KIF9: variants seen among roughly 807,000 people sequenced by gnomAD.
KIF9 encodes the protein kinesin family member 9.
In KIF9, 68 loss-of-function variants were observed where a neutral mutation model predicts 94.8. That is an observed-to-expected ratio of 0.72 (90% CI 0.59 to 0.88). The LOEUF (loss-of-function observed/expected upper bound fraction) is 0.88, where lower values mean the gene tolerates loss of function less well. KIF9 is among the 40% of genes least tolerant of loss of function. The pLI is 0.00. For synonymous variants in KIF9, 343 were observed against 362.1 expected (o/e 0.95, Z 0.60); for missense variants, 882 against 982.5 (o/e 0.90, Z 1.37).
intron 1 of KIF9, 121 bp from the exon 2 acceptor site, chr3:47,277,500 C>A (rs1321428640): frequency 5.9e-6 from 4 of 672,922 alleles, no homozygotes; most frequent in East Asian, 5.6e-5. Flanking sequence ...CCCTCTCTCC[C>A]TGAAAGCCAG....
At chr3:47,257,618 G>C (rs1700708551) in intron 9 of KIF9, 58 bp from the exon 10 acceptor site, 2 of 1,486,172 alleles carry the variant, frequency 1.3e-6, no homozygotes, top group Non-Finnish European at 1.9e-6. Context: ...GACCCCAAGA[G>C]ACCGGCCTTC....
chr3:47,265,376 TAC>T (rs1445073590), intron 8 of KIF9, among the ~76,000 whole-genome samples: 3 of 151,962 alleles, frequency 2.0e-5, no homozygotes, highest in Non-Finnish European at 4.4e-5. Context: ...CGCTGCTCTG[TAC>T]AGGAGGCTGC....
At chr3:47,282,288 GA>G (rs932908405) in intron 1 of KIF9, 1 of 985,584 alleles carries the variant, frequency 1.0e-6, no homozygotes, top group African/African-American at 1.7e-5. Flanking sequence ...TGGGACCAAT[GA>G]ACATTAGCTC....
At chr3:47,260,842 G>A (rs1559452348) in intron 9 of KIF9, among the ~76,000 whole-genome samples, 1 of 152,216 alleles carries the variant, frequency 6.6e-6, no homozygotes, top group African/African-American at 2.4e-5. Flanking sequence ...AGTTTGCCAG[G>A]TGATGGGGAA....
At chr3:47,265,636 A>G in intron 8 of KIF9, 94 bp downstream of exon 8, 1 of 1,338,442 alleles carries the variant, frequency 7.5e-7, no homozygotes, top group Non-Finnish European at 1.0e-6. Flanking sequence ...ACCAGGAGGG[A>G]GCAATTCTAT....
intron 15 of KIF9, chr3:47,244,522 C>T: frequency 2.5e-6 from 1 of 395,792 alleles, no homozygotes; most frequent in Non-Finnish European, 4.6e-6. Context: ...GTGACTTCCC[C>T]TCTCTAAGCC....
At chr3:47,248,217 G>A in intron 10 of KIF9, 131 bp from the exon 11 acceptor site, 4 of 724,550 alleles carry the variant, frequency 5.5e-6, no homozygotes, top group Non-Finnish European at 9.6e-6. Flanking sequence ...GATCCACAGG[G>A]TATGCTTTCA....
intron 16 of KIF9, among the ~76,000 whole-genome samples, chr3:47,241,694 C>T (rs188865511): frequency 1.3e-3 from 187 of 147,796 alleles, no homozygotes; most frequent in African/African-American, 4.2e-3. Context: ...TGCATATATA[C>T]ATATATGCAT....
At chr3:47,247,897 GC>G (rs1467683013) in intron 11 of KIF9, 120 bp downstream of exon 11, 8 of 774,922 alleles carry the variant, frequency 1.0e-5, no homozygotes, top group Non-Finnish European at 1.6e-5. Flanking sequence ...CACTGAGCCT[GC>G]CCCCCAACCC....
intron 5 of KIF9, among the ~76,000 whole-genome samples, chr3:47,270,817 T>C (rs1356470301): frequency 6.6e-6 from 1 of 151,700 alleles, no homozygotes; most frequent in Non-Finnish European, 1.5e-5. Context: ...TAAATGTGCA[T>C]ATATTAATTT....
chr3:47,228,836 G>A lies in KIF9; in HGVS notation c.2323-134C>T, dbSNP rs76329499. The A allele has an allele frequency of 7.5e-3, 5,415 of 720,992 alleles. 40 individuals carry two copies. The highest frequency in any genetic ancestry group is 9.5e-3 in the Non-Finnish European group (3,821 of 402,884). 44.7% of individuals were successfully genotyped at this position (720,992 alleles called of 1,614,324 possible). A position where few individuals can be genotyped will look rare whatever the true frequency, so the allele number is the denominator to read the frequency against. ...TGGGTTGTGGACAAGGATTCCTTCT[G>A]AGTAGCCCCAATTCTCTGAGAAATA... On this transcript the variant is annotated intron_variant, in intron 20 of 20. Transcript: ENST00000684063.
chr3:47,252,027 T>A (rs1231052772), intron 10 of KIF9, among the ~76,000 whole-genome samples: 1 of 151,974 alleles, frequency 6.6e-6, no homozygotes, highest in Non-Finnish European at 1.5e-5. Context: ...GCCAGCCCCA[T>A]CAGCCAAAGA....
intron 1 of KIF9, among the ~76,000 whole-genome samples, chr3:47,278,918 G>C (rs1702142833): frequency 6.6e-6 from 1 of 152,110 alleles, no homozygotes; most frequent in Non-Finnish European, 1.5e-5. Context: ...GGTGCAGTGA[G>C]CTGAGATCGC....
chr3:47,241,979 G>A (rs1192543118), intron 16 of KIF9, among the ~76,000 whole-genome samples: 1 of 149,960 alleles, frequency 6.7e-6, no homozygotes, highest in Non-Finnish European at 1.5e-5. Context: ...GAGCTCCTGG[G>A]CTCAATCAAT....
intron 16 of KIF9, 140 bp from the exon 17 acceptor site, chr3:47,241,155 A>C (rs1197890216): frequency 4.4e-6 from 3 of 683,056 alleles, no homozygotes; most frequent in Middle Eastern, 3.4e-4. Context: ...ACAGGAGCTA[A>C]ACTGTGTGTG....
intron 5 of KIF9, among the ~76,000 whole-genome samples, chr3:47,268,470 T>C (rs1701431584): frequency 6.6e-6 from 1 of 152,190 alleles, no homozygotes; most frequent in South Asian, 2.1e-4. Flanking sequence ...AGCAGACTCC[T>C]GTGGCCATAC....
At position 47,264,250 on chromosome 3, in the gene KIF9, G is replaced by A. The variant is rs534521768; in HGVS notation, c.981+36C>T. On this transcript the variant is annotated intron_variant, in intron 9 of 20. Coordinates refer to ENST00000684063, the MANE Select transcript of KIF9 (RefSeq NM_182902.4). ...CCCTGCCCTGGCACCCATGAAGGGGGATTCCAGCCTGGTTTCACTGACTGT... is the reference window on the plus strand; with the variant it reads ...CCCTGCCCTGGCACCCATGAAGGGGAATTCCAGCCTGGTTTCACTGACTGT... 9 of 1,533,638 alleles carry A rather than the reference G, an allele frequency of 5.9e-6. No individual in the cohort carries two copies. In the African/African-American group the frequency reaches 1.2e-4, roughly 21 times the overall value.
At chr3:47,244,742 C>T (rs745879217) in intron 15 of KIF9, 49 bp downstream of exon 15, 1 of 1,607,584 alleles carries the variant, frequency 6.2e-7, no homozygotes. Context: ...CCCATGCACC[C>T]ACCGAGGAGG....
At chr3:47,240,134 C>G (rs557360401) in intron 17 of KIF9, 3 of 347,514 alleles carry the variant, frequency 8.6e-6, no homozygotes, top group Non-Finnish European at 1.7e-5. Context: ...GGCCTTGGCC[C>G]TCAGTGCAGG....
Sources: gnomAD v4.1 joint callset for allele counts (sites outside exome capture counted in the v4.1 genomes callset) on GRCh38, gnomAD v4.1.1 for gene constraint, MANE v1.5 for transcripts, NCBI Gene and HGNC (gene_info 2026-07-23, HGNC 2026-07-21) for gene names.